The following SFXN5 variants were observed in gnomAD, a reference collection of about 807,000 sequenced individuals.
SFXN5 encodes the protein sideroflexin 5.
Under a neutral mutation model 50.2 loss-of-function variants are expected in SFXN5, and 43 were observed. The observed-to-expected ratio is 0.86, with a 90% CI of 0.67 to 1.11. The LOEUF (loss-of-function observed/expected upper bound fraction) is 1.11, where lower values mean the gene tolerates loss of function less well. SFXN5 is among the 50% of genes least tolerant of loss of function. The pLI, the probability that SFXN5 is intolerant of heterozygous loss-of-function variation, is 0.00. For missense variants in SFXN5, 463 were observed against 454.1 expected, an observed-to-expected ratio of 1.02 and a Z score of -0.18; for synonymous variants, 203 against 185.8, an observed-to-expected ratio of 1.09 and a Z score of -0.75.
chr2:72,963,098 C>T (rs2105394811), intron 12 of SFXN5, among the ~76,000 whole-genome samples: 1 of 152,302 alleles, frequency 6.6e-6, no homozygotes, highest in South Asian at 2.1e-4. Flanking sequence ...GCTCATTCTC[C>T]AAGCTTCATA....
chr2:72,965,323 C>T (rs1277391298), intron 12 of SFXN5, among the ~76,000 whole-genome samples: 1 of 152,184 alleles, frequency 6.6e-6, no homozygotes, highest in Non-Finnish European at 1.5e-5. Context: ...AACCAATCTC[C>T]CTTCTGGCTC....
chr2:72,999,231 G>A (rs1673614541), intron 8 of SFXN5, among the ~76,000 whole-genome samples: 1 of 152,164 alleles, frequency 6.6e-6, no homozygotes, highest in Non-Finnish European at 1.5e-5. Flanking sequence ...ATACTGAAGG[G>A]CCCACTTCAC....
At chr2:73,052,588 A>G (rs74999522) in intron 2 of SFXN5, among the ~76,000 whole-genome samples, 1 of 140,772 alleles carries the variant, frequency 7.1e-6, no homozygotes, top group East Asian at 2.2e-4. Flanking sequence ...TTGAATTGTT[A>G]TTAATACTAT....
intron 3 of SFXN5, among the ~76,000 whole-genome samples, chr2:73,023,907 G>A (rs1410793304): frequency 6.6e-6 from 1 of 152,140 alleles, no homozygotes; most frequent in Non-Finnish European, 1.5e-5. Context: ...CTGGAGAAAC[G>A]GAGTAACTTG....
intron 13 of SFXN5, among the ~76,000 whole-genome samples, chr2:72,947,897 C>T (rs906917525): frequency 4.6e-5 from 7 of 151,294 alleles, no homozygotes; most frequent in African/African-American, 7.3e-5. Flanking sequence ...CAATGCACAG[C>T]GCCCACGCTT....
intron 2 of SFXN5, among the ~76,000 whole-genome samples, chr2:73,047,285 T>TATATATATATATATATACACACAC (rs1268079277): frequency 2.2e-5 from 2 of 92,524 alleles, no homozygotes; most frequent in Non-Finnish European, 4.0e-5. Flanking sequence ...TACACACATA[T>TATATATATATATATATACACACAC]ATATATATAT....
At chr2:72,978,838 T>A (rs1046893323) in intron 10 of SFXN5, among the ~76,000 whole-genome samples, 4 of 151,608 alleles carry the variant, frequency 2.6e-5, no homozygotes, top group African/African-American at 9.7e-5. Flanking sequence ...ATTCCCCAGG[T>A]GATTATAATA....
chr2:73,064,648 T>C (rs969408343), intron 1 of SFXN5, among the ~76,000 whole-genome samples: 5 of 152,164 alleles, frequency 3.3e-5, no homozygotes, highest in Non-Finnish European at 7.3e-5. Context: ...AAGAAAGCAT[T>C]TGTCTGCCCA....
chr2:73,043,827 G>A (rs1447574259), intron 2 of SFXN5, among the ~76,000 whole-genome samples: 1 of 152,198 alleles, frequency 6.6e-6, no homozygotes, highest in African/African-American at 2.4e-5. Flanking sequence ...CCAAAAGTGA[G>A]GATGATTTTC....
chr2:73,069,018 G>T (rs558759706), intron 1 of SFXN5, among the ~76,000 whole-genome samples: 1 of 151,954 alleles, frequency 6.6e-6, no homozygotes, highest in South Asian at 2.1e-4. Context: ...ATGTGAAGGA[G>T]GGTGCGAAGT....
Position 72,960,966 on chromosome 2 carries a change from G to A in SFXN5, c.945+165C>T, listed in dbSNP as rs544997768. ...CCTCTGTTTAATCACCCTGTTGACT[G>A]CGTGACCCTCACTCTGAGGGCCAGA... is the stretch of plus-strand genomic sequence containing the variant. On this transcript the variant is annotated intron_variant, in intron 13 of 13. Transcript: ENST00000272433. This position sits in a 1 kb window ranked among gnomAD's most constrained non-coding sequence, Gnocchi z 6.1. Among the ~76,000 whole-genome samples, 1 of 152,330 alleles carries A rather than the reference G, an allele frequency of 6.6e-6. No homozygotes were observed. Among genetic ancestry groups the A allele is most frequent in the Admixed American group, 6.5e-5 (1 of 15,306 alleles).
chr2:73,022,686 GGAA>G (rs1453711742), intron 4 of SFXN5, 110 bp from the exon 5 acceptor site: 10 of 719,436 alleles, frequency 1.4e-5, no homozygotes, highest in Admixed American at 2.1e-5. Flanking sequence ...GAGGAAGAAG[GGAA>G]GAAGACAACT....
At chr2:72,963,566 G>A (rs1302470869) in intron 12 of SFXN5, among the ~76,000 whole-genome samples, 1 of 152,090 alleles carries the variant, frequency 6.6e-6, no homozygotes, top group African/African-American at 2.4e-5. Flanking sequence ...GGCAAGGAGG[G>A]AAGGGAAAGG....
chr2:72,971,653 G>C lies in SFXN5; in HGVS notation c.658C>G (p.Arg220Gly), dbSNP rs763057834. 6 of 1,613,760 alleles carry C rather than the reference G, an allele frequency of 3.7e-6. No homozygotes were observed. The African/African-American group carries it at 4.0e-5, about 11-fold the overall frequency. ...ATCCCTTCCTCCAGCTCCCCGTACCGCATCAGGACCACATTGCAGATATTG... is the reference window on the plus strand; with the variant it reads ...ATCCCTTCCTCCAGCTCCCCGTACCCCATCAGGACCACATTGCAGATATTG... ...SANICNVVLMRYGELEEGIDV... is the reference protein window; with the variant it reads ...SANICNVVLMGYGELEEGIDV... Residue 220 changes from arginine to glycine, a missense_variant, in exon 11 of 14, where the codon CGG (arginine) becomes GGG (glycine). Coordinates refer to ENST00000272433, the MANE Select transcript of SFXN5 (RefSeq NM_144579.3).
chr2:72,957,202 G>A (rs1022995748), intron 13 of SFXN5: 3 of 393,234 alleles, frequency 7.6e-6, no homozygotes, highest in African/African-American at 6.2e-5. Context: ...CCATCTGACT[G>A]TCTAGGAATC....
intron 10 of SFXN5, among the ~76,000 whole-genome samples, chr2:72,987,033 A>G (rs557815450): frequency 7.2e-5 from 11 of 152,378 alleles, no homozygotes; most frequent in Admixed American, 3.9e-4. Context: ...CTAAATGCAT[A>G]AAACAAAACA....
At chr2:72,951,967 GAC>G (rs1176924592) in intron 13 of SFXN5, among the ~76,000 whole-genome samples, 1 of 152,138 alleles carries the variant, frequency 6.6e-6, no homozygotes, top group Admixed American at 6.5e-5. Flanking sequence ...GTCCTGTTCC[GAC>G]ACACACACAT....
intron 10 of SFXN5, among the ~76,000 whole-genome samples, chr2:72,986,713 C>T (rs1297622257): frequency 6.6e-6 from 1 of 152,144 alleles, no homozygotes; most frequent in Non-Finnish European, 1.5e-5. Context: ...ACTATTTTGC[C>T]CTTCTCCCCA....
chr2:72,961,184 C>T lies in SFXN5; in HGVS notation c.892G>A (p.Ala298Thr), dbSNP rs1466293139. 1 of 1,572,360 alleles carries T rather than the reference C, an allele frequency of 6.4e-7. No individual in the cohort carries two copies. The highest frequency in any genetic ancestry group is 1.1e-5 in the South Asian group (1 of 87,270). ...GCCAGCGGCAGGGCCAGGCCGAAGG[C>T]TGCCAGGCACACGAGGCTTTGCACA... The part of the protein sequence containing the change: ...LPVQSLVCLA[A>T]FGLALPLAIS... Residue 298 changes from alanine to threonine, a missense_variant, in exon 13 of 14, where the codon GCC becomes ACC. Physicochemically the swap from Ala to Thr is moderately conservative, Grantham distance 58. Coordinates refer to ENST00000272433, the MANE Select transcript of SFXN5 (RefSeq NM_144579.3). The surrounding 1 kb of genome is among the most constrained non-coding windows in gnomAD (Gnocchi z 4.4).
Sources: allele counts gnomAD v4.1 joint callset (sites outside exome capture counted in the v4.1 genomes callset), GRCh38; gene constraint gnomAD v4.1.1; non-coding constraint Gnocchi (gnomAD v3.1); transcripts MANE v1.5; gene names NCBI Gene and HGNC (gene_info 2026-07-23, HGNC 2026-07-21).